Variants in GUCY2C observed in about 807,000 individuals in gnomAD.
GUCY2C encodes guanylate cyclase 2C, also known as guanylyl cyclase C.
Under a neutral mutation model 131.1 loss-of-function variants are expected in GUCY2C, and 118 were observed. The observed-to-expected ratio is 0.90, with a 90% CI of 0.78 to 1.05. The LOEUF is 1.05. Ranked by LOEUF, GUCY2C falls within the 50% of genes least tolerant of loss-of-function variation. GUCY2C has a pLI of 0.00. For missense variants in GUCY2C, 1,161 were observed against 1,304.4 expected (o/e 0.89, Z 1.69); for synonymous variants, 452 against 457.8 (o/e 0.99, Z 0.16).
chr12:14,629,154 A>T (rs934481527), intron 19 of GUCY2C, among the ~76,000 whole-genome samples: 1 of 152,216 alleles, frequency 6.6e-6, no homozygotes, highest in Non-Finnish European at 1.5e-5. Context: ...GAATGTAACA[A>T]AAGCCCACCA....
intron 10 of GUCY2C, among the ~76,000 whole-genome samples, chr12:14,668,612 T>C (rs1239199319): frequency 6.8e-6 from 1 of 146,484 alleles, no homozygotes; most frequent in Non-Finnish European, 1.5e-5. Flanking sequence ...CTCTAAATAA[T>C]TTTATTGATG....
rs143478193 is a variant in GUCY2C at position 14,640,944 on chromosome 12, G to A, written c.2068+138C>T. On this transcript the variant is annotated intron_variant, in intron 18 of 26. Transcript: ENST00000261170. Reference sequence around the variant, plus strand: ...AATCTTCCTTATATTCTTATAAAATGCATAATGCAGATGGGAAATCATTAA... The same window carrying A: ...AATCTTCCTTATATTCTTATAAAATACATAATGCAGATGGGAAATCATTAA... 516 of 722,596 alleles carry A rather than the reference G, an allele frequency of 7.1e-4. 2 individuals carry two copies. The East Asian group carries it at 0.012, about 17-fold the overall frequency. The allele number at this position is 722,596 out of a possible 1,614,324, so 44.8% of individuals were successfully genotyped here. A position where few individuals can be genotyped will look rare whatever the true frequency, so the allele number is the denominator to read the frequency against.
intron 1 of GUCY2C, among the ~76,000 whole-genome samples, chr12:14,689,762 A>C (rs955456372): frequency 1.3e-5 from 2 of 152,194 alleles, no homozygotes; most frequent in Non-Finnish European, 2.9e-5. Context: ...AAATTTATCA[A>C]TGGGTATGAT....
chr12:14,657,865 C>A (rs771712336), intron 11 of GUCY2C, among the ~76,000 whole-genome samples: 6 of 152,134 alleles, frequency 3.9e-5, no homozygotes, highest in African/African-American at 1.4e-4. Flanking sequence ...TGTACACTTT[C>A]GACTTTGCAG....
At chr12:14,673,448 A>G (rs1457410218) in intron 8 of GUCY2C, among the ~76,000 whole-genome samples, 1 of 152,208 alleles carries the variant, frequency 6.6e-6, no homozygotes, top group Non-Finnish European at 1.5e-5. Flanking sequence ...AAAACTATTT[A>G]GGTAAAAAAA....
At chr12:14,642,837 G>A (rs1400964252) in intron 17 of GUCY2C, among the ~76,000 whole-genome samples, 1 of 152,162 alleles carries the variant, frequency 6.6e-6, no homozygotes, top group African/African-American at 2.4e-5. Context: ...GGCTGTGGAT[G>A]TAGGGACAGA....
intron 9 of GUCY2C, among the ~76,000 whole-genome samples, chr12:14,670,897 A>G (rs1272651953): frequency 6.6e-6 from 1 of 151,556 alleles, no homozygotes; most frequent in Non-Finnish European, 1.5e-5. Flanking sequence ...AGGTCTCATA[A>G]TCATGGTGGA....
chr12:14,614,590 C>T (rs775037052), intron 26 of GUCY2C: 9 of 382,158 alleles, frequency 2.4e-5, no homozygotes, highest in Non-Finnish European at 4.2e-5. Flanking sequence ...TACTGAGCCC[C>T]CACATCTGAT....
chr12:14,639,489 T>C (rs1565613624), intron 19 of GUCY2C, among the ~76,000 whole-genome samples: 1 of 152,086 alleles, frequency 6.6e-6, no homozygotes, highest in Non-Finnish European at 1.5e-5. Context: ...TTTGCAGATA[T>C]AATTAAGTTA....
chr12:14,680,080 T>A (rs1431117983), intron 5 of GUCY2C, among the ~76,000 whole-genome samples: 1 of 151,146 alleles, frequency 6.6e-6, no homozygotes, highest in African/African-American at 2.4e-5. Context: ...CAGTGCTTAT[T>A]CCATTATGCC....
chr12:14,632,005 G>GT lies in GUCY2C; in HGVS notation c.2158-3269dup, dbSNP rs539081207. 7.0e-3 allele frequency among the ~76,000 whole-genome samples: 1,067 copies of GT among 151,952 alleles called. 9 individuals are homozygous for GT. The highest frequency in any genetic ancestry group is 0.013 in the African/African-American group (535 of 41,424). On this transcript the variant is annotated intron_variant, in intron 19 of 26. Transcript: ENST00000261170. ...AGTGATGGTGAGCATTTTTTCATGT[G>GT]TTTTTTGGCTGCATAAATGTCTTCT...
At chr12:14,645,000 A>G (rs1947490694) in intron 16 of GUCY2C, among the ~76,000 whole-genome samples, 1 of 152,136 alleles carries the variant, frequency 6.6e-6, no homozygotes, top group East Asian at 1.9e-4. Flanking sequence ...ATATAATAAA[A>G]TAATAATAAC....
At chr12:14,688,784 G>A (rs1948525413) in intron 1 of GUCY2C, among the ~76,000 whole-genome samples, 4 of 152,210 alleles carry the variant, frequency 2.6e-5, no homozygotes, top group African/African-American at 9.7e-5. Flanking sequence ...TGAAGACTTA[G>A]CCATGCGACA....
At chr12:14,635,166 T>C (rs886526485) in intron 19 of GUCY2C, among the ~76,000 whole-genome samples, 4 of 152,228 alleles carry the variant, frequency 2.6e-5, no homozygotes, top group Non-Finnish European at 4.4e-5. Flanking sequence ...TAAACATTCC[T>C]GTGATCAGCA....
intron 3 of GUCY2C, among the ~76,000 whole-genome samples, chr12:14,685,264 G>A (rs560629010): frequency 6.6e-6 from 1 of 152,268 alleles, no homozygotes; most frequent in East Asian, 1.9e-4. Flanking sequence ...TAAGATTCTG[G>A]ATCTGTCCGC....
chr12:14,652,324 A>G (rs2137040306), intron 13 of GUCY2C, among the ~76,000 whole-genome samples: 1 of 152,116 alleles, frequency 6.6e-6, no homozygotes, highest in South Asian at 2.1e-4. Context: ...ACAGGCATGC[A>G]CCACCATGCC....
chr12:14,633,864 TAAA>T, intron 19 of GUCY2C, among the ~76,000 whole-genome samples: 1 of 151,128 alleles, frequency 6.6e-6, no homozygotes. Context: ...AAGACAAAAA[TAAA>T]GAAAAAAGAA....
Position 14,687,898 on chromosome 12 carries a change from G to C in GUCY2C, c.330+53C>G. 7 of 941,770 alleles carry C rather than the reference G, an allele frequency of 7.4e-6. No individual in the cohort carries two copies. In the South Asian group the frequency reaches 9.1e-5, roughly 12 times the overall value. The allele number at this position is 941,770 out of a possible 1,614,324, so 58.3% of individuals were successfully genotyped here. ...GTCATGTGCCTACATTTCACACTGG[G>C]ATTATCCTGTGCCCAGAGGCCATGA... On this transcript the variant is annotated intron_variant, in intron 2 of 26. Transcript: ENST00000261170.
Position 14,676,875 on chromosome 12 carries a change from A to G in GUCY2C, c.927T>C (p.Ser309=), listed in dbSNP as rs759501083. Residue 309 remains serine (S), a synonymous_variant, in exon 7 of 27, where the codon TCT becomes TCC. Coordinates refer to ENST00000261170, the MANE Select transcript of GUCY2C (RefSeq NM_004963.4). ...LSPGNSLLNS[S]FSRNLSPTKR... ...TTACTGGTGATAGATTCCTGGAGAA[A>G]GAGCTATTTAGAAGGGAATTCCCAG... 2.1e-6 allele frequency: 3 copies of G among 1,435,252 alleles called. No individual in the cohort carries two copies. The highest frequency in any genetic ancestry group is 1.4e-5 in the South Asian group (1 of 73,382). 88.9% of individuals were successfully genotyped at this position (1,435,252 alleles called of 1,614,324 possible).
Sources: allele counts gnomAD v4.1 joint callset (sites outside exome capture counted in the v4.1 genomes callset), GRCh38; gene constraint gnomAD v4.1.1; transcripts MANE v1.5; gene names NCBI Gene and HGNC (gene_info 2026-07-23, HGNC 2026-07-21).